IL1RAPL2: variants seen among roughly 807,000 people sequenced by gnomAD.
IL1RAPL2 encodes the protein interleukin 1 receptor accessory protein like 2.
In IL1RAPL2, 3 loss-of-function variants were observed where a neutral mutation model predicts 44.1. That is an observed-to-expected ratio of 0.07 (90% CI 0.03 to 0.18). The LOEUF (loss-of-function observed/expected upper bound fraction) is 0.18, where lower values mean the gene tolerates loss of function less well. Ranked by LOEUF, IL1RAPL2 falls within the 10% of genes least tolerant of loss-of-function variation. The probability of loss-of-function intolerance (pLI) is 1.00; values close to 1 mark genes in which losing one functional copy is unlikely to be tolerated. For missense variants in IL1RAPL2, 391 were observed against 496.4 expected, an observed-to-expected ratio of 0.79 and a Z score of 2.02; for synonymous variants, 181 against 178.8, an observed-to-expected ratio of 1.01 and a Z score of -0.10.
intron 6 of IL1RAPL2, among the ~76,000 whole-genome samples, chrX:105,526,614 A>G (rs1229367969): frequency 9.0e-6 from 1 of 111,583 alleles, no homozygotes; most frequent in Admixed American, 9.6e-5. Context: ...TATTGACAGG[A>G]CTGCTGTCAC....
intron 2 of IL1RAPL2, among the ~76,000 whole-genome samples, chrX:104,967,104 A>C (rs2030138640): frequency 8.9e-6 from 1 of 112,002 alleles, no homozygotes; most frequent in African/African-American, 3.2e-5. Flanking sequence ...TAATTAGAAA[A>C]TACATATTAT....
chrX:105,155,142 G>A (rs995117041), intron 2 of IL1RAPL2, among the ~76,000 whole-genome samples: 1 of 111,163 alleles, frequency 9.0e-6, no homozygotes, highest in Non-Finnish European at 1.9e-5. Flanking sequence ...CTAGTCTCCT[G>A]GCTTCCATGG....
intron 1 of IL1RAPL2, among the ~76,000 whole-genome samples, chrX:104,645,786 G>A (rs1038374613): frequency 8.9e-6 from 1 of 112,381 alleles, no homozygotes; most frequent in South Asian, 3.7e-4. Flanking sequence ...ATAAATTAAT[G>A]GATCTTAGGA....
Position 105,767,775 on chromosome X carries a change from C to G in IL1RAPL2, c.*114C>G. On this transcript the variant is annotated 3_prime_UTR_variant, in exon 11 of 11. Transcript: ENST00000372582. ...AAAAAAGTGTTTGAAGAAAAAGGTA[C>G]AAAAATGGCTTTTATACTTAAATAT... 1.8e-6 allele frequency: 1 copy of G among 553,296 alleles called. No individual in the cohort carries two copies. Among genetic ancestry groups the G allele is most frequent in the Admixed American group, 3.6e-5 (1 of 27,850 alleles). The allele number at this position is 553,296 out of a possible 1,213,427, so 45.6% of individuals were successfully genotyped here. A position where few individuals can be genotyped will look rare whatever the true frequency, so the allele number is the denominator to read the frequency against.
At chrX:105,629,114 C>T (rs918051595) in intron 6 of IL1RAPL2, among the ~76,000 whole-genome samples, 11 of 111,330 alleles carry the variant, frequency 9.9e-5, no homozygotes, top group African/African-American at 3.6e-4. Context: ...TGATCTAAAC[C>T]ATGTATAGCT....
chrX:105,295,081 C>G (rs2034644593), intron 5 of IL1RAPL2, among the ~76,000 whole-genome samples: 1 of 111,667 alleles, frequency 9.0e-6, no homozygotes, highest in African/African-American at 3.3e-5. Context: ...TAGAATTAAT[C>G]TAACAAGAAC....
chrX:105,667,857 T>C (rs111914465), intron 6 of IL1RAPL2, among the ~76,000 whole-genome samples: 64 of 111,342 alleles, frequency 5.7e-4, no homozygotes, highest in Non-Finnish European at 1.1e-3. Context: ...ACTATGATAT[T>C]GATTAAAGGA....
intron 2 of IL1RAPL2, among the ~76,000 whole-genome samples, chrX:104,743,259 C>T (rs1189002196): frequency 1.8e-5 from 2 of 110,134 alleles, no homozygotes; most frequent in African/African-American, 6.6e-5. Flanking sequence ...TATGTTCCCT[C>T]TTTGAGGCCA....
intron 5 of IL1RAPL2, among the ~76,000 whole-genome samples, chrX:105,302,025 G>T (rs1423083468): frequency 1.8e-5 from 2 of 111,698 alleles, no homozygotes; most frequent in African/African-American, 6.5e-5. Flanking sequence ...GCCAGCATTT[G>T]TTATTGCTTG....
At chrX:105,552,383 C>T (rs2036863947) in intron 6 of IL1RAPL2, among the ~76,000 whole-genome samples, 1 of 112,225 alleles carries the variant, frequency 8.9e-6, no homozygotes, top group Non-Finnish European at 1.9e-5. Context: ...CTTGCATTTT[C>T]CCCACCAAAA....
intron 6 of IL1RAPL2, among the ~76,000 whole-genome samples, chrX:105,493,571 A>G (rs1221308990): frequency 1.8e-5 from 2 of 111,759 alleles, no homozygotes; most frequent in African/African-American, 6.5e-5. Flanking sequence ...ATGTCTTTGG[A>G]AAAATGTCTA....
chrX:105,722,885 C>T (rs1190735442), intron 7 of IL1RAPL2, among the ~76,000 whole-genome samples: 1 of 110,831 alleles, frequency 9.0e-6, no homozygotes, highest in African/African-American at 3.3e-5. Flanking sequence ...CTTCTTCTAT[C>T]GTCCTAATGA....
chrX:105,749,701 T>C (rs1007850283), intron 9 of IL1RAPL2, among the ~76,000 whole-genome samples: 1 of 112,264 alleles, frequency 8.9e-6, no homozygotes, highest in Non-Finnish European at 1.9e-5. Flanking sequence ...ATATTTGCTG[T>C]TTATGAATTT....
At chrX:104,685,986 A>G (rs1161543674) in intron 2 of IL1RAPL2, among the ~76,000 whole-genome samples, 2 of 110,794 alleles carry the variant, frequency 1.8e-5, no homozygotes, top group Admixed American at 1.9e-4. Flanking sequence ...AAAAAAAAGA[A>G]CATCCACATA....
intron 5 of IL1RAPL2, among the ~76,000 whole-genome samples, chrX:105,418,618 G>T (rs1369058559): frequency 9.0e-6 from 1 of 111,261 alleles, no homozygotes; most frequent in African/African-American, 3.3e-5. Context: ...GAATAATCCT[G>T]GACTAATTTT....
chrX:105,172,314 G>T (rs925353204), intron 2 of IL1RAPL2, among the ~76,000 whole-genome samples: 2 of 112,395 alleles, frequency 1.8e-5, no homozygotes, highest in African/African-American at 6.5e-5. Context: ...AAATTTAGAA[G>T]ATTTAAATAA....
chrX:104,644,678 T>G (rs1269738442), intron 1 of IL1RAPL2, among the ~76,000 whole-genome samples: 1 of 110,782 alleles, frequency 9.0e-6, no homozygotes, highest in Non-Finnish European at 1.9e-5. Context: ...TCCTATTCAC[T>G]AAAGAAAAAA....
intron 6 of IL1RAPL2, among the ~76,000 whole-genome samples, chrX:105,548,093 C>G (rs776170446): frequency 1.9e-4 from 21 of 111,764 alleles, no homozygotes; most frequent in Non-Finnish European, 3.0e-4. Flanking sequence ...ACACAGCTGT[C>G]TACCTGGCTA....
At chrX:105,161,562 C>T (rs777743879) in intron 2 of IL1RAPL2, among the ~76,000 whole-genome samples, 1 of 110,806 alleles carries the variant, frequency 9.0e-6, no homozygotes, top group African/African-American at 3.3e-5. Context: ...TAAAATTCAA[C>T]GAGTTTGCCT....
Sources: allele counts gnomAD v4.1 joint callset (sites outside exome capture counted in the v4.1 genomes callset), GRCh38; gene constraint gnomAD v4.1.1; transcripts MANE v1.5; gene names NCBI Gene and HGNC (gene_info 2026-07-23, HGNC 2026-07-21).